Variants in GRM4 observed in about 807,000 individuals in gnomAD.
The protein encoded by GRM4 is metabotropic glutamate receptor 4.
GRM4 carries 28 observed loss-of-function variants against 81.7 expected under a neutral mutation model. The observed-to-expected ratio is 0.34, with a 90% CI of 0.25 to 0.47. The LOEUF (loss-of-function observed/expected upper bound fraction) is 0.47, where lower values mean the gene tolerates loss of function less well. Ranked by LOEUF, GRM4 falls within the 20% of genes least tolerant of loss-of-function variation. GRM4 has a pLI of 1.00. For synonymous variants in GRM4, 488 were observed against 528.8 expected (o/e 0.92, Z 1.06); for missense variants, 948 against 1,290.0 (o/e 0.73, Z 4.06).
At position 34,155,104 on chromosome 6, in the gene GRM4, C is replaced by CG; in HGVS notation, c.286dup (p.Arg96ProfsTer24). ...CTGAGCAGATTCCGGAAGGAGGCAGCGGGGGCGGCGGGGGTCTATTTCAGG... is the reference window on the plus strand; with the variant it reads ...CTGAGCAGATTCCGGAAGGAGGCAGCGGGGGGCGGCGGGGGTCTATTTCAGG... On this transcript the variant is annotated frameshift_variant, in exon 1 of 9. Coordinates refer to the GRM4 transcript ENST00000374177. LOFTEE classifies it high-confidence loss of function. The CG allele has an allele frequency of 6.6e-7, 1 of 1,525,786 alleles. No homozygotes were observed. The highest frequency in any genetic ancestry group is 8.8e-7 in the Non-Finnish European group (1 of 1,140,110). The allele number at this position is 1,525,786 out of a possible 1,614,324, so 94.5% of individuals were successfully genotyped here.
chr6:34,057,561 G>A (rs908631007), intron 5 of GRM4, among the ~76,000 whole-genome samples: 1 of 152,318 alleles, frequency 6.6e-6, no homozygotes. Context: ...GCAGTACCCC[G>A]ACCTCTACCC....
Position 34,044,089 on chromosome 6 carries a change from CACAT to C in GRM4, c.1169-3345_1169-3342del, listed in dbSNP as rs1247401274. The stretch of plus-strand genomic sequence containing the variant: ...ACATATATACACAGACACACACACA[CACAT>C]AGACATACATACACATATATACACA... On this transcript the variant is annotated intron_variant, in intron 6 of 10. Coordinates refer to ENST00000538487, the MANE Select transcript of GRM4 (RefSeq NM_000841.4). 2.4e-3 allele frequency among the ~76,000 whole-genome samples: 357 copies of C among 151,772 alleles called. 4 individuals are homozygous for C. The highest frequency in any genetic ancestry group is 1.7e-3 in the Non-Finnish European group (117 of 67,874).
intron 1 of GRM4, among the ~76,000 whole-genome samples, chr6:34,153,925 C>CAAAAAAA (rs3041982): frequency 7.7e-6 from 1 of 129,502 alleles, no homozygotes; most frequent in Non-Finnish European, 1.7e-5. Flanking sequence ...GACTCTGTCT[C>CAAAAAAA]AAAAAAAAAA....
chr6:34,062,300 G>A (rs879770435), intron 3 of GRM4: 9 of 381,906 alleles, frequency 2.4e-5, no homozygotes, highest in Middle Eastern at 6.9e-4. Context: ...GAAGCAGCAC[G>A]GCATCATGCT....
At chr6:34,138,115 A>C (rs1770539359) in intron 1 of GRM4, among the ~76,000 whole-genome samples, 1 of 152,196 alleles carries the variant, frequency 6.6e-6, no homozygotes, top group South Asian at 2.1e-4. Context: ...CAAACACCAG[A>C]ATAAAGGGTA....
chr6:34,044,630 GCAGA>G (rs751088569), intron 6 of GRM4, among the ~76,000 whole-genome samples: 5 of 96,766 alleles, frequency 5.2e-5, no homozygotes, highest in East Asian at 5.9e-4. Flanking sequence ...ATATATACAC[GCAGA>G]CACACACACA....
chr6:34,153,071 C>A (rs1281950846), intron 1 of GRM4, among the ~76,000 whole-genome samples: 1 of 152,158 alleles, frequency 6.6e-6, no homozygotes, highest in Non-Finnish European at 1.5e-5. Context: ...CAGGTGTGAG[C>A]CCCTGCGGTG....
chr6:34,126,669 C>T (rs1770033675), intron 2 of GRM4, among the ~76,000 whole-genome samples: 1 of 152,224 alleles, frequency 6.6e-6, no homozygotes, highest in Non-Finnish European at 1.5e-5. Flanking sequence ...ATCCCCACAG[C>T]CAGGAGCTCG....
At chr6:34,118,387 C>T (rs1329425597) in intron 2 of GRM4, among the ~76,000 whole-genome samples, 3 of 152,214 alleles carry the variant, frequency 2.0e-5, no homozygotes, top group African/African-American at 7.2e-5. Context: ...AGGACACACT[C>T]ATGACTTCCA....
At chr6:34,127,697 G>A (rs1233505847) in intron 2 of GRM4, among the ~76,000 whole-genome samples, 2 of 152,152 alleles carry the variant, frequency 1.3e-5, no homozygotes, top group African/African-American at 4.8e-5. Flanking sequence ...AGGCCGTGAG[G>A]AGTTGTCATG....
intron 10 of GRM4, 83 bp downstream of exon 10, chr6:34,028,037 G>A (rs1368262195): frequency 7.0e-7 from 1 of 1,423,562 alleles, no homozygotes; most frequent in Non-Finnish European, 9.5e-7. Context: ...GGGCGGGGTG[G>A]GGAGGGGCAG....
intron 1 of GRM4, among the ~76,000 whole-genome samples, chr6:34,134,863 C>G (rs1469895444): frequency 5.3e-5 from 8 of 152,188 alleles, no homozygotes; most frequent in Non-Finnish European, 1.0e-4. Flanking sequence ...GAACACCAGC[C>G]CTTCCTCATT....
At chr6:34,110,309 CAAAAAAA>C (rs3041237) in intron 2 of GRM4, among the ~76,000 whole-genome samples, 1 of 79,026 alleles carries the variant, frequency 1.3e-5, no homozygotes, top group African/African-American at 5.6e-5. Context: ...CAACACCCAC[CAAAAAAA>C]AAAAAAAAAA....
chr6:34,140,535 C>T (rs1183992854), intron 1 of GRM4, among the ~76,000 whole-genome samples: 1 of 152,160 alleles, frequency 6.6e-6, no homozygotes, highest in African/African-American at 2.4e-5. Context: ...ACAAGGCAAG[C>T]ACATCTCATC....
chr6:34,028,717 T>C (rs1405836739), intron 9 of GRM4, among the ~76,000 whole-genome samples: 1 of 152,188 alleles, frequency 6.6e-6, no homozygotes, highest in African/African-American at 2.4e-5. Flanking sequence ...CCATTTCAGG[T>C]TACCGCTGTT....
chr6:34,086,444 G>A (rs1767893803), intron 3 of GRM4, among the ~76,000 whole-genome samples: 1 of 152,202 alleles, frequency 6.6e-6, no homozygotes. Context: ...AAGAGGTAGG[G>A]CCTCAGAATT....
Position 34,155,138 on chromosome 6 carries a change from C to A in GRM4, c.253G>T (p.Gly85Ter). 1 of 1,534,672 alleles carries A rather than the reference C, an allele frequency of 6.5e-7. No individual in the cohort carries two copies. The highest frequency in any genetic ancestry group is 8.7e-7 in the Non-Finnish European group (1 of 1,145,924). ...CGGGGGTCTATTTCAGGGCTGCTTC[C>A]CAGCTGGGCGGCCGCCCCCTCGGAT... Residue 85 changes from glycine to a stop codon, truncating the protein, a stop_gained, in exon 1 of 9, where the codon GGA (glycine) becomes TGA (stop). Coordinates refer to the GRM4 transcript ENST00000374177. LOFTEE classifies it high-confidence loss of function.
intron 1 of GRM4, among the ~76,000 whole-genome samples, chr6:34,151,308 C>G (rs537235771): frequency 6.6e-6 from 1 of 152,070 alleles, no homozygotes; most frequent in Non-Finnish European, 1.5e-5. Flanking sequence ...ACTCTTTCTC[C>G]TCCTCCTTCT....
chr6:34,114,914 T>C lies in GRM4; in HGVS notation c.519+18064A>G, dbSNP rs576664479. On this transcript the variant is annotated intron_variant, in intron 2 of 10. Coordinates refer to ENST00000538487, the MANE Select transcript of GRM4 (RefSeq NM_000841.4). This position sits in a 1 kb window ranked among gnomAD's most constrained non-coding sequence, Gnocchi z 4.3. The stretch of plus-strand genomic sequence containing the variant: ...TATCTTGCACAAACTTGGAGCTCCA[T>C]ACATGTTTGCTGAATCAAATGGAAT... Among the ~76,000 whole-genome samples the C allele has an allele frequency of 2.6e-5, 4 of 152,336 alleles. No homozygotes were observed. The highest frequency in any genetic ancestry group is 4.1e-4 in the South Asian group (2 of 4,820).
Sources: allele counts gnomAD v4.1 joint callset (sites outside exome capture counted in the v4.1 genomes callset), GRCh38; gene constraint gnomAD v4.1.1; non-coding constraint Gnocchi (gnomAD v3.1); transcripts MANE v1.5; gene names NCBI Gene and HGNC (gene_info 2026-07-23, HGNC 2026-07-21).